The following ITFG1 variants were observed in gnomAD, a reference collection of about 807,000 sequenced individuals.
The protein encoded by ITFG1 is T-cell immunomodulatory protein.
ITFG1 carries 34 observed loss-of-function variants against 81.8 expected under a neutral mutation model. The observed-to-expected ratio is 0.42, with a 90% CI of 0.32 to 0.55. ITFG1 has a LOEUF of 0.55. Among genes scored for constraint, ITFG1 ranks in the 20% least tolerant of loss-of-function variants. The pLI is 0.17. For synonymous variants in ITFG1, 285 were observed against 270.6 expected (o/e 1.05, Z -0.52); for missense variants, 672 against 755.4 (o/e 0.89, Z 1.29).
At chr16:47,230,777 C>A (rs1965808436) in intron 13 of ITFG1, among the ~76,000 whole-genome samples, 1 of 152,204 alleles carries the variant, frequency 6.6e-6, no homozygotes, top group South Asian at 2.1e-4. Context: ...GAGACGGAGT[C>A]TCGCTCTGTC....
chr16:47,270,365 A>G (rs1186902876), intron 10 of ITFG1, among the ~76,000 whole-genome samples: 1 of 152,188 alleles, frequency 6.6e-6, no homozygotes, highest in Non-Finnish European at 1.5e-5. Flanking sequence ...TTCAATAATA[A>G]GAAAACAAAT....
chr16:47,325,166 A>C (rs1263558370), intron 8 of ITFG1, among the ~76,000 whole-genome samples: 1 of 152,246 alleles, frequency 6.6e-6, no homozygotes, highest in Admixed American at 6.5e-5. Flanking sequence ...ACTAGAACTC[A>C]GGATTAAGAA....
At chr16:47,271,408 A>G (rs890788175) in intron 10 of ITFG1, among the ~76,000 whole-genome samples, 1 of 152,246 alleles carries the variant, frequency 6.6e-6, no homozygotes, top group African/African-American at 2.4e-5. Context: ...CAAAACCACA[A>G]TTAAATAACA....
intron 14 of ITFG1, among the ~76,000 whole-genome samples, chr16:47,208,883 C>T (rs796691807): frequency 4.6e-5 from 7 of 152,136 alleles, no homozygotes; most frequent in African/African-American, 1.7e-4. Context: ...TCCATGAGTA[C>T]AATGCAGGGA....
chr16:47,290,475 T>C (rs1966892599), intron 10 of ITFG1, among the ~76,000 whole-genome samples: 2 of 152,208 alleles, frequency 1.3e-5, no homozygotes, highest in Admixed American at 6.5e-5. Flanking sequence ...ATTTGCTTTA[T>C]ATATCGCAGT....
intron 6 of ITFG1, among the ~76,000 whole-genome samples, chr16:47,403,342 T>C (rs1300809700): frequency 1.3e-5 from 2 of 152,068 alleles, no homozygotes; most frequent in South Asian, 2.1e-4. Context: ...TATATTATAA[T>C]TGGCCCATAT....
At chr16:47,170,394 T>C (rs1035193481) in intron 14 of ITFG1, among the ~76,000 whole-genome samples, 1 of 152,134 alleles carries the variant, frequency 6.6e-6, no homozygotes, top group Non-Finnish European at 1.5e-5. Context: ...CTATTTCCTC[T>C]TGGGTCAGTT....
At chr16:47,242,583 T>G (rs1001610007) in intron 12 of ITFG1, among the ~76,000 whole-genome samples, 2 of 152,208 alleles carry the variant, frequency 1.3e-5, no homozygotes, top group African/African-American at 4.8e-5. Context: ...GAAAAAATGC[T>G]GAACTTCATT....
intron 6 of ITFG1, among the ~76,000 whole-genome samples, chr16:47,425,108 G>T (rs1426127765): frequency 6.6e-6 from 1 of 152,138 alleles, no homozygotes; most frequent in Non-Finnish European, 1.5e-5. Flanking sequence ...CGAGCTTCCA[G>T]GCCGCTTTGT....
intron 12 of ITFG1, among the ~76,000 whole-genome samples, chr16:47,243,491 A>G (rs1311995162): frequency 2.0e-5 from 3 of 152,244 alleles, no homozygotes; most frequent in Non-Finnish European, 4.4e-5. Context: ...TTCAGGGAAG[A>G]TAATTTGTTA....
At chr16:47,432,310 C>T (rs746207205) in intron 5 of ITFG1, among the ~76,000 whole-genome samples, 18 of 152,116 alleles carry the variant, frequency 1.2e-4, no homozygotes, top group South Asian at 2.1e-4. Context: ...TAATTGTCAA[C>T]GCAGTATTCA....
At chr16:47,347,209 G>A (rs1241834173) in intron 8 of ITFG1, among the ~76,000 whole-genome samples, 1 of 152,228 alleles carries the variant, frequency 6.6e-6, no homozygotes, top group Non-Finnish European at 1.5e-5. Flanking sequence ...AAGACAGTGG[G>A]TGCAGCGCAC....
chr16:47,272,456 T>C (rs1966352856), intron 10 of ITFG1, among the ~76,000 whole-genome samples: 1 of 152,148 alleles, frequency 6.6e-6, no homozygotes. Flanking sequence ...AGTACAGTAG[T>C]GTGATCTCGG....
At chr16:47,453,944 G>C (rs1241341245) in intron 3 of ITFG1, 69 bp downstream of exon 3, 2 of 1,003,348 alleles carry the variant, frequency 2.0e-6, no homozygotes, top group Non-Finnish European at 3.0e-6. Context: ...ACTGATTTCA[G>C]AACAATATTT....
chr16:47,176,200 G>C (rs1332058695), intron 14 of ITFG1, among the ~76,000 whole-genome samples: 2 of 152,224 alleles, frequency 1.3e-5, no homozygotes, highest in African/African-American at 4.8e-5. Context: ...GCTCATTCCA[G>C]ATAGTTCAAA....
chr16:47,461,084 G>A (rs1969536740), upstream of ITFG1: 1 of 1,479,976 alleles, frequency 6.8e-7, no homozygotes, highest in Non-Finnish European at 9.0e-7. Flanking sequence ...CCAACGCCGC[G>A]CTTGACGACA....
intron 5 of ITFG1, among the ~76,000 whole-genome samples, chr16:47,435,460 C>A (rs957208828): frequency 1.3e-5 from 2 of 152,186 alleles, no homozygotes; most frequent in African/African-American, 4.8e-5. Flanking sequence ...TTTTCCCGCA[C>A]AAGAAACAAA....
chr16:47,435,222 T>C (rs1969150409), intron 5 of ITFG1, among the ~76,000 whole-genome samples: 1 of 152,198 alleles, frequency 6.6e-6, no homozygotes, highest in Non-Finnish European at 1.5e-5. Flanking sequence ...GTACAAATTA[T>C]AGTTTTTCAG....
intron 12 of ITFG1, among the ~76,000 whole-genome samples, chr16:47,256,098 G>A (rs1360420908): frequency 6.6e-6 from 1 of 152,002 alleles, no homozygotes; most frequent in African/African-American, 2.4e-5. Context: ...TGAGTAGCTA[G>A]GACTACAGTC....
Sources: gnomAD v4.1 joint callset for allele counts (sites outside exome capture counted in the v4.1 genomes callset) on GRCh38, gnomAD v4.1.1 for gene constraint, MANE v1.5 for transcripts, NCBI Gene and HGNC (gene_info 2026-07-23, HGNC 2026-07-21) for gene names.